Variants in TRPM3 observed in about 807,000 individuals in gnomAD.
The protein encoded by TRPM3 is transient receptor potential cation channel subfamily M member 3.
A neutral mutation model predicts 181.2 loss-of-function variants in TRPM3; 77 were observed. The observed-to-expected ratio is 0.42, with a 90% confidence interval of 0.35 to 0.51. The LOEUF is 0.51. TRPM3 is among the 20% of genes least tolerant of loss of function. The pLI is 0.01. For synonymous variants in TRPM3, 745 were observed against 796.4 expected (o/e 0.94, Z 1.09); for missense variants, 1,759 against 2,196.7 (o/e 0.80, Z 3.98).
At chr9:70,599,469 T>C (rs981189599) in intron 20 of TRPM3, among the ~76,000 whole-genome samples, 9 of 152,220 alleles carry the variant, frequency 5.9e-5, no homozygotes, top group Non-Finnish European at 1.0e-4. Context: ...TTCTGATGAC[T>C]TCCATTACAA....
At chr9:70,860,605 G>T (rs1415223) in intron 3 of TRPM3, among the ~76,000 whole-genome samples, 6 of 151,650 alleles carry the variant, frequency 4.0e-5, no homozygotes, top group Non-Finnish European at 2.9e-5. Flanking sequence ...CAGATGCTGT[G>T]GTCAACCAGT....
intron 1 of TRPM3, among the ~76,000 whole-genome samples, chr9:71,132,731 T>G (rs978728326): frequency 6.6e-6 from 1 of 152,178 alleles, no homozygotes; most frequent in Non-Finnish European, 1.5e-5. Context: ...CATCAATAAC[T>G]GTTGATGTAA....
At chr9:71,243,051 T>G (rs549324404) in intron 1 of TRPM3, among the ~76,000 whole-genome samples, 19 of 152,242 alleles carry the variant, frequency 1.2e-4, no homozygotes, top group Non-Finnish European at 2.6e-4. Context: ...TGTGTTTTGT[T>G]TTGTTTGTTT....
chr9:71,236,978 C>T (rs1339521887), intron 1 of TRPM3, among the ~76,000 whole-genome samples: 1 of 129,098 alleles, frequency 7.7e-6, no homozygotes, highest in East Asian at 2.5e-4. Flanking sequence ...ACCTGGGAGG[C>T]GGAGGCTGCA....
At chr9:70,582,251 T>TA (rs1344183452) in intron 22 of TRPM3, among the ~76,000 whole-genome samples, 2 of 152,026 alleles carry the variant, frequency 1.3e-5, no homozygotes, top group African/African-American at 4.8e-5. Flanking sequence ...AATCCACATT[T>TA]TAAATTCCTT....
chr9:71,074,396 C>T (rs2063167145), intron 1 of TRPM3, among the ~76,000 whole-genome samples: 1 of 152,114 alleles, frequency 6.6e-6, no homozygotes, highest in Non-Finnish European at 1.5e-5. Context: ...GGTCATTTTA[C>T]TCTCTGACTT....
intron 1 of TRPM3, among the ~76,000 whole-genome samples, chr9:70,897,405 C>T (rs569521142): frequency 1.1e-3 from 173 of 150,672 alleles, no homozygotes; most frequent in African/African-American, 3.9e-3. Context: ...ACAGAAAGAG[C>T]AATATTGTAC....
At chr9:71,046,816 C>T (rs1053072021) in intron 1 of TRPM3, among the ~76,000 whole-genome samples, 13 of 152,116 alleles carry the variant, frequency 8.5e-5, no homozygotes, top group African/African-American at 3.1e-4. Context: ...TATAGGAGAA[C>T]AGAATGAAAA....
At chr9:71,361,324 T>G (rs1391211409) in intron 1 of TRPM3, among the ~76,000 whole-genome samples, 2 of 152,102 alleles carry the variant, frequency 1.3e-5, no homozygotes, top group African/African-American at 2.4e-5. Flanking sequence ...ACTAAATACC[T>G]CTCTGTGCTA....
In TRPM3 at chr9:70,545,609, C is replaced by T. The variant is rs144895192; in HGVS notation, c.3707+3933G>A. On this transcript the variant is annotated intron_variant, in intron 25 of 25. Coordinates refer to ENST00000677713, the MANE Select transcript of TRPM3 (RefSeq NM_001366145.2). ...TCGTCCAGGCTAGAGCGCAGTGGTA[C>T]GATCTCTGCTCACTGCAGCCTCCAC... Among the ~76,000 whole-genome samples, 707 of 130,060 alleles carry T rather than the reference C, an allele frequency of 5.4e-3. 2 individuals are homozygous for T. The highest frequency in any genetic ancestry group is 7.1e-3 in the African/African-American group (244 of 34,430). The allele number at this position is 130,060 out of a possible 152,430, so 85.3% of individuals were successfully genotyped here.
At chr9:71,406,534 C>T (rs1195884797) in intron 1 of TRPM3, among the ~76,000 whole-genome samples, 2 of 152,132 alleles carry the variant, frequency 1.3e-5, no homozygotes, top group Non-Finnish European at 2.9e-5. Flanking sequence ...CCCATCCACA[C>T]ACACATATGC....
chr9:70,595,397 T>G (rs974360353), intron 21 of TRPM3, among the ~76,000 whole-genome samples: 15 of 152,190 alleles, frequency 9.9e-5, no homozygotes, highest in Non-Finnish European at 2.1e-4. Flanking sequence ...GAGACTTTTT[T>G]GTAGTCATAA....
At chr9:71,195,423 C>A (rs552802823) in intron 1 of TRPM3, among the ~76,000 whole-genome samples, 1 of 151,964 alleles carries the variant, frequency 6.6e-6, no homozygotes, top group East Asian at 1.9e-4. Context: ...GCATCTCATA[C>A]CAGTCAGAAT....
At chr9:70,644,610 G>A (rs1364803043) in intron 9 of TRPM3, among the ~76,000 whole-genome samples, 2 of 152,116 alleles carry the variant, frequency 1.3e-5, no homozygotes, top group African/African-American at 4.8e-5. Context: ...CATACTGAAT[G>A]GGCAAAAGCT....
intron 1 of TRPM3, among the ~76,000 whole-genome samples, chr9:71,076,177 T>C (rs2063434272): frequency 6.6e-6 from 1 of 152,102 alleles, no homozygotes; most frequent in South Asian, 2.1e-4. Context: ...TTGTTCAGTT[T>C]TCGGAAATTT....
chr9:70,552,514 C>A lies in TRPM3; in HGVS notation c.3574+330G>T, dbSNP rs141686126. Among the ~76,000 whole-genome samples, 671 of 152,214 alleles carry A rather than the reference C, an allele frequency of 4.4e-3. 3 individuals are homozygous for A. The highest frequency in any genetic ancestry group is 7.4e-3 in the Non-Finnish European group (503 of 68,022). On this transcript the variant is annotated intron_variant, in intron 24 of 25. Transcript: ENST00000677713. ...GTAGCCTTGGGTGGCATATTAATAT[C>A]ATTGATGTATTTTGGGTTGAGATCT...
intron 1 of TRPM3, among the ~76,000 whole-genome samples, chr9:71,188,181 T>C (rs888079679): frequency 3.9e-5 from 6 of 151,912 alleles, no homozygotes; most frequent in African/African-American, 9.7e-5. Context: ...TTAATTCTTA[T>C]GGTAAATGTC....
intron 25 of TRPM3, among the ~76,000 whole-genome samples, chr9:70,542,600 T>C (rs1257600634): frequency 2.0e-5 from 3 of 152,224 alleles, no homozygotes; most frequent in South Asian, 4.1e-4. Flanking sequence ...CACAGAACAT[T>C]TTGGCTTCCA....
At chr9:71,159,896 CTA>C (rs974021053) in intron 1 of TRPM3, among the ~76,000 whole-genome samples, 9 of 152,124 alleles carry the variant, frequency 5.9e-5, no homozygotes, top group African/African-American at 2.2e-4. Flanking sequence ...TCCATATTTT[CTA>C]TGACATTCCA....
Sources: allele counts gnomAD v4.1 joint callset (sites outside exome capture counted in the v4.1 genomes callset), GRCh38; gene constraint gnomAD v4.1.1; transcripts MANE v1.5; gene names NCBI Gene and HGNC (gene_info 2026-07-23, HGNC 2026-07-21).